The following SIPA1L3 variants were observed in gnomAD, a reference collection of about 807,000 sequenced individuals.
SIPA1L3 encodes the protein signal induced proliferation associated 1 like 3.
Under a neutral mutation model 150.1 loss-of-function variants are expected in SIPA1L3, and 59 were observed. That is an observed-to-expected ratio of 0.39 (90% CI 0.32 to 0.49). The LOEUF (loss-of-function observed/expected upper bound fraction) is 0.49. Ranked by LOEUF, SIPA1L3 falls within the 20% of genes least tolerant of loss-of-function variation. The pLI, the probability that SIPA1L3 is intolerant of heterozygous loss-of-function variation, is 0.86. For missense variants in SIPA1L3, 2,211 were observed against 2,489.5 expected, an observed-to-expected ratio of 0.89 and a Z score of 2.38; for synonymous variants, 1,070 against 1,077.6, an observed-to-expected ratio of 0.99 and a Z score of 0.14.
intron 18 of SIPA1L3, among the ~76,000 whole-genome samples, chr19:38,195,585 G>A (rs534654458): frequency 1.6e-4 from 24 of 152,302 alleles, no homozygotes; most frequent in Non-Finnish European, 2.2e-4. Flanking sequence ...GGCTGGTCAC[G>A]AAGTAGATGT....
At chr19:38,064,379 T>G (rs1969521552) in intron 2 of SIPA1L3, among the ~76,000 whole-genome samples, 1 of 152,236 alleles carries the variant, frequency 6.6e-6, no homozygotes, top group African/African-American at 2.4e-5. Context: ...TTGCTTGAGA[T>G]TTTTTAAAAA....
chr19:38,031,246 G>T (rs1354733380), intron 2 of SIPA1L3, among the ~76,000 whole-genome samples: 1 of 152,170 alleles, frequency 6.6e-6, no homozygotes, highest in Non-Finnish European at 1.5e-5. Flanking sequence ...CCTTAACACA[G>T]TGATCAAAAC....
At chr19:38,140,280 A>G (rs879524828) in intron 10 of SIPA1L3, among the ~76,000 whole-genome samples, 12 of 152,298 alleles carry the variant, frequency 7.9e-5, no homozygotes, top group Middle Eastern at 3.4e-3. Context: ...GGAGAATGCC[A>G]GCCCAGCCGG....
chr19:37,934,878 T>C (rs1271787491), intron 1 of SIPA1L3, among the ~76,000 whole-genome samples: 1 of 152,226 alleles, frequency 6.6e-6, no homozygotes, highest in Non-Finnish European at 1.5e-5. Context: ...TGAGATTTGC[T>C]CTTTTTAGTG....
At chr19:38,139,272 C>G (rs11672805) in intron 10 of SIPA1L3, among the ~76,000 whole-genome samples, 2 of 152,144 alleles carry the variant, frequency 1.3e-5, no homozygotes, top group South Asian at 4.1e-4. Flanking sequence ...TGCTAGTCAT[C>G]GTGTCAGGGT....
chr19:37,994,007 A>G (rs551810186), intron 1 of SIPA1L3, among the ~76,000 whole-genome samples: 95 of 152,170 alleles, frequency 6.2e-4, no homozygotes, highest in African/African-American at 2.1e-3. Flanking sequence ...CAATCCTCCT[A>G]TTTCAGCCTT....
chr19:38,075,769 C>T (rs1294365138), intron 2 of SIPA1L3, among the ~76,000 whole-genome samples: 2 of 150,732 alleles, frequency 1.3e-5, no homozygotes, highest in Non-Finnish European at 3.0e-5. Flanking sequence ...GACAGAGCAA[C>T]ACTCTGTCTC....
chr19:38,198,366 C>A, intron 18 of SIPA1L3, 23 bp from the exon 19 acceptor site: 2 of 1,512,744 alleles, frequency 1.3e-6, no homozygotes, highest in South Asian at 1.3e-5. Context: ...TCAACCACTG[C>A]CATCTCCACC....
chr19:38,108,704 A>G (rs1325313558), intron 7 of SIPA1L3: 1 of 152,184 alleles, frequency 6.6e-6, no homozygotes, highest in Non-Finnish European at 1.5e-5. Context: ...AGAACAATAT[A>G]ATAGGCTGGG....
At chr19:38,124,268 T>G (rs1356987727) in intron 9 of SIPA1L3, among the ~76,000 whole-genome samples, 7 of 119,134 alleles carry the variant, frequency 5.9e-5, no homozygotes, top group South Asian at 2.8e-4. Context: ...AGGCGGAGGG[T>G]CTCCTCACTT....
At chr19:38,112,384 G>T (rs977893953) in intron 8 of SIPA1L3, among the ~76,000 whole-genome samples, 2 of 152,044 alleles carry the variant, frequency 1.3e-5, no homozygotes, top group African/African-American at 2.4e-5. Flanking sequence ...TTGAGCTGGT[G>T]GGGGGAGCTG....
intron 1 of SIPA1L3, among the ~76,000 whole-genome samples, chr19:37,985,069 G>T (rs186313267): frequency 1.6e-3 from 246 of 152,310 alleles, no homozygotes; most frequent in Admixed American, 5.4e-3. Context: ...GAAGTGATTG[G>T]TAGTGCTATT....
At chr19:37,986,110 CT>C (rs979296779) in intron 1 of SIPA1L3, among the ~76,000 whole-genome samples, 1 of 152,206 alleles carries the variant, frequency 6.6e-6, no homozygotes, top group African/African-American at 2.4e-5. Context: ...TTAACCATCT[CT>C]TTTCTTTGTG....
intron 3 of SIPA1L3, among the ~76,000 whole-genome samples, chr19:38,087,964 G>A (rs1247861365): frequency 2.6e-5 from 4 of 152,194 alleles, no homozygotes; most frequent in African/African-American, 7.2e-5. Flanking sequence ...CTTGCAGTGA[G>A]CCGAGATCGC....
chr19:38,037,638 C>T lies in SIPA1L3; in HGVS notation c.-311+8482C>T, dbSNP rs564972670. On this transcript the variant is annotated intron_variant, in intron 2 of 21. Coordinates refer to ENST00000222345, the MANE Select transcript of SIPA1L3 (RefSeq NM_015073.3). ...GGGGGTGTTCCAGCAGTGAACAAGA[C>T]GACAAATATCCCTGTTCTCAGAGCT... Among the ~76,000 whole-genome samples the T allele has an allele frequency of 3.9e-5, 6 of 152,078 alleles. No homozygotes were observed. In the East Asian group the frequency reaches 9.6e-4, roughly 24 times the overall value.
At chr19:37,990,069 G>A (rs2145633305) in intron 1 of SIPA1L3, among the ~76,000 whole-genome samples, 1 of 152,248 alleles carries the variant, frequency 6.6e-6, no homozygotes, top group African/African-American at 2.4e-5. Context: ...TGGGGGAGGG[G>A]AGGCTCCTTC....
intron 19 of SIPA1L3, 137 bp from the exon 20 acceptor site, chr19:38,201,721 AATCT>A: frequency 1.1e-6 from 1 of 877,440 alleles, no homozygotes; most frequent in Non-Finnish European, 1.6e-6. Flanking sequence ...TTTTGGCAAG[AATCT>A]ATCTAAGTGC....
chr19:38,111,801 G>C (rs1279604254), intron 8 of SIPA1L3, among the ~76,000 whole-genome samples: 1 of 152,266 alleles, frequency 6.6e-6, no homozygotes, highest in Non-Finnish European at 1.5e-5. Context: ...AGCAGCTACA[G>C]AGTGCCTGCA....
At chr19:38,019,112 A>G (rs761454271) in intron 1 of SIPA1L3, among the ~76,000 whole-genome samples, 5 of 152,198 alleles carry the variant, frequency 3.3e-5, no homozygotes, top group Non-Finnish European at 5.9e-5. Flanking sequence ...CTCATCTGCT[A>G]TGCAAGACTA....
Sources: gnomAD v4.1 joint callset for allele counts (sites outside exome capture counted in the v4.1 genomes callset) on GRCh38, gnomAD v4.1.1 for gene constraint, MANE v1.5 for transcripts, NCBI Gene and HGNC (gene_info 2026-07-23, HGNC 2026-07-21) for gene names.